Variants in INSL6 observed in about 807,000 individuals in gnomAD.
INSL6 encodes the protein insulin-like peptide INSL6.
In INSL6, 16 loss-of-function variants were observed where a neutral mutation model predicts 9.4. The observed-to-expected ratio is 1.70, with a 90% confidence interval of 1.15 to 2.59. The LOEUF (loss-of-function observed/expected upper bound fraction) is 2.59. INSL6 is among the 30% of genes most tolerant of loss of function. The pLI, the probability that INSL6 is intolerant of heterozygous loss-of-function variation, is 0.00. For synonymous variants in INSL6, 154 were observed against 96.9 expected (o/e 1.59, Z -3.46); for missense variants, 391 against 257.3 (o/e 1.52, Z -3.56).
chr9:4,996,236 G>A, the INSL6 span, among the ~76,000 whole-genome samples: 2 of 152,098 alleles, frequency 1.3e-5, no homozygotes, highest in Admixed American at 6.6e-5. Context: ...ATCACCTGAG[G>A]TCAGGAGTTC....
chr9:5,072,341 A>G, the INSL6 span: 4 of 496,324 alleles, frequency 8.1e-6, no homozygotes, highest in Non-Finnish European at 1.1e-5. Flanking sequence ...GAATAAAAGC[A>G]TTAATTTGGA....
chr9:5,033,585 T>G, the INSL6 span, among the ~76,000 whole-genome samples: 2 of 152,310 alleles, frequency 1.3e-5, no homozygotes, highest in African/African-American at 2.4e-5. Flanking sequence ...GGGCCAATAT[T>G]CAACATTCTT....
At chr9:5,125,048 A>G (rs1823884258) in intron 3 of INSL6, among the ~76,000 whole-genome samples, 3 of 151,310 alleles carry the variant, frequency 2.0e-5, no homozygotes, top group Admixed American at 2.0e-4. Context: ...GTTAAAATAA[A>G]CCTTCCAAAG....
chr9:5,097,645 G>T, the INSL6 span: 1 of 152,154 alleles, frequency 6.6e-6, no homozygotes, highest in African/African-American at 2.4e-5. Flanking sequence ...TACACTGCGT[G>T]GTGGTAACAT....
At chr9:5,025,804 C>G in the INSL6 span, among the ~76,000 whole-genome samples, 1 of 152,070 alleles carries the variant, frequency 6.6e-6, no homozygotes, top group Non-Finnish European at 1.5e-5. Flanking sequence ...AGTGTGTGAG[C>G]CACTGCACCC....
chr9:5,131,029 C>T (rs1564033097), intron 3 of INSL6, among the ~76,000 whole-genome samples: 1 of 151,872 alleles, frequency 6.6e-6, no homozygotes, highest in South Asian at 2.1e-4. Context: ...GCGCCCAGCC[C>T]GAGTATGAAT....
At chr9:5,136,277 A>G (rs1323027745) in intron 2 of INSL6, among the ~76,000 whole-genome samples, 1 of 152,220 alleles carries the variant, frequency 6.6e-6, no homozygotes, top group Non-Finnish European at 1.5e-5. Context: ...TTATGAGGCC[A>G]GCATCATCCT....
the INSL6 span, among the ~76,000 whole-genome samples, chr9:5,086,893 T>TTAAAC: frequency 6.6e-6 from 1 of 152,232 alleles, no homozygotes; most frequent in African/African-American, 2.4e-5. Flanking sequence ...TTCATATCTT[T>TTAAAC]TAAACTACTT....
intron 1 of INSL6, among the ~76,000 whole-genome samples, chr9:5,182,565 T>C (rs1825481503): frequency 6.6e-6 from 1 of 152,028 alleles, no homozygotes; most frequent in East Asian, 1.9e-4. Flanking sequence ...TAACACATGA[T>C]AGGTACTCAA....
At chr9:5,117,397 T>A in the INSL6 span, among the ~76,000 whole-genome samples, 133 of 152,254 alleles carry the variant, frequency 8.7e-4, no homozygotes, top group Non-Finnish European at 1.5e-3. Context: ...CTACTTTTGT[T>A]ATAGAACAGC....
chr9:5,150,897 C>T (rs767863498), intron 2 of INSL6, among the ~76,000 whole-genome samples: 3 of 151,210 alleles, frequency 2.0e-5, no homozygotes, highest in Non-Finnish European at 4.4e-5. Context: ...GAATACTACC[C>T]AGCCATAAAA....
intron 1 of INSL6, among the ~76,000 whole-genome samples, chr9:5,167,435 T>G (rs559437491): frequency 4.3e-4 from 65 of 152,322 alleles, no homozygotes; most frequent in African/African-American, 1.5e-3. Flanking sequence ...TCCCCTACCA[T>G]GATGCCAGTG....
chr9:5,060,531 T>A, the INSL6 span, among the ~76,000 whole-genome samples: 1 of 152,210 alleles, frequency 6.6e-6, no homozygotes, highest in Non-Finnish European at 1.5e-5. Flanking sequence ...GAAACCATTT[T>A]TTTATGCATA....
At chr9:5,100,403 A>C in the INSL6 span, 6 of 152,242 alleles carry the variant, frequency 3.9e-5, no homozygotes, top group Non-Finnish European at 8.8e-5. Flanking sequence ...CTGTATACCA[A>C]TGATGATGTG....
chr9:5,171,169 A>G (rs968961628), intron 1 of INSL6, among the ~76,000 whole-genome samples: 3 of 152,224 alleles, frequency 2.0e-5, no homozygotes, highest in African/African-American at 7.2e-5. Flanking sequence ...CCAGGGTGCA[A>G]GGGTGGTTCA....
intron 2 of INSL6, among the ~76,000 whole-genome samples, chr9:5,154,343 A>T (rs1247315517): frequency 6.6e-6 from 1 of 152,226 alleles, no homozygotes. Context: ...TAAAGACTTA[A>T]ATGTTAGACC....
the INSL6 span, chr9:5,111,505 C>T: frequency 5.4e-6 from 2 of 367,552 alleles, no homozygotes; most frequent in Non-Finnish European, 1.1e-5. Context: ...ATGCCGCCGC[C>T]TATCCATCCG....
chr9:5,054,686 T>C, the INSL6 span: 2 of 1,613,426 alleles, frequency 1.2e-6, no homozygotes, highest in Non-Finnish European at 1.7e-6. The surrounding 1 kb of genome is among the most constrained non-coding windows in gnomAD (Gnocchi z 4.9). Context: ...GCAAAGCCAC[T>C]GCCAGAAACT....
the INSL6 span, chr9:5,044,579 TA>T: frequency 9.3e-7 from 1 of 1,070,188 alleles, no homozygotes; most frequent in Non-Finnish European, 1.4e-6. Context: ...TGCTGTTTAA[TA>T]AGTCACTTAA....
Sources: allele counts gnomAD v4.1 joint callset (sites outside exome capture counted in the v4.1 genomes callset), GRCh38; gene constraint gnomAD v4.1.1; non-coding constraint Gnocchi (gnomAD v3.1); transcripts MANE v1.5; gene names NCBI Gene and HGNC (gene_info 2026-07-23, HGNC 2026-07-21).